CRIM1: variants seen among roughly 807,000 people sequenced by gnomAD.
CRIM1 encodes the protein cysteine-rich motor neuron 1 protein.
CRIM1 carries 32 observed loss-of-function variants against 116.4 expected under a neutral mutation model. That is an observed-to-expected ratio of 0.27 (90% CI 0.21 to 0.37). CRIM1 has a LOEUF of 0.37. Among genes scored for constraint, CRIM1 ranks in the 10% least tolerant of loss-of-function variants. The pLI is 1.00. For missense variants in CRIM1, 1,331 were observed against 1,354.8 expected (o/e 0.98, Z 0.28); for synonymous variants, 590 against 509.2 (o/e 1.16, Z -2.13).
At chr2:36,495,773 A>G (rs1406264576) in intron 7 of CRIM1, among the ~76,000 whole-genome samples, 1 of 152,128 alleles carries the variant, frequency 6.6e-6, no homozygotes, top group East Asian at 1.9e-4. Flanking sequence ...GACATTAGTA[A>G]TAGGATCAGT....
intron 7 of CRIM1, among the ~76,000 whole-genome samples, chr2:36,485,549 A>T (rs1436916935): frequency 6.6e-6 from 1 of 152,204 alleles, no homozygotes; most frequent in Non-Finnish European, 1.5e-5. Context: ...AAAAGTCTGT[A>T]CCAGGCACAT....
chr2:36,380,052 T>C (rs1191071346), intron 1 of CRIM1, among the ~76,000 whole-genome samples: 1 of 152,160 alleles, frequency 6.6e-6, no homozygotes, highest in Non-Finnish European at 1.5e-5. Flanking sequence ...ATGACTCTGA[T>C]GCATGAATGG....
chr2:36,512,252 G>A (rs150637747), intron 9 of CRIM1, 21 bp from the exon 10 acceptor site: 2 of 1,608,260 alleles, frequency 1.2e-6, no homozygotes, highest in Non-Finnish European at 1.7e-6. Flanking sequence ...TCTGACCTCT[G>A]ACAAAATTTT....
chr2:36,488,678 T>C (rs1402834726), intron 7 of CRIM1, among the ~76,000 whole-genome samples: 1 of 152,222 alleles, frequency 6.6e-6, no homozygotes, highest in African/African-American at 2.4e-5. Context: ...GAGTTTAACT[T>C]TCGCATCTGA....
intron 2 of CRIM1, among the ~76,000 whole-genome samples, chr2:36,426,864 A>G (rs904821504): frequency 6.6e-6 from 1 of 152,214 alleles, no homozygotes; most frequent in Non-Finnish European, 1.5e-5. Flanking sequence ...CCAAATTTTA[A>G]TAAATGACTT....
At chr2:36,477,095 A>C in intron 6 of CRIM1, 24 bp downstream of exon 6, 1 of 1,571,912 alleles carries the variant, frequency 6.4e-7, no homozygotes, top group Non-Finnish European at 8.7e-7. Context: ...CTAATTACAG[A>C]TTAACAGGAG....
At chr2:36,395,724 A>T (rs1014997389) in intron 1 of CRIM1, among the ~76,000 whole-genome samples, 3 of 152,126 alleles carry the variant, frequency 2.0e-5, no homozygotes, top group African/African-American at 7.2e-5. Flanking sequence ...CCTGTCACTA[A>T]GCTGCACCAC....
chr2:36,531,397 GT>G (rs988777112), intron 13 of CRIM1, among the ~76,000 whole-genome samples: 2 of 150,500 alleles, frequency 1.3e-5, no homozygotes, highest in African/African-American at 4.9e-5. Flanking sequence ...TTGGTTTTTG[GT>G]TTTTTGTTTT....
At chr2:36,419,177 A>C (rs1673865312) in intron 2 of CRIM1, among the ~76,000 whole-genome samples, 1 of 152,216 alleles carries the variant, frequency 6.6e-6, no homozygotes, top group Non-Finnish European at 1.5e-5. Flanking sequence ...CTAAGGTTTA[A>C]AATTAAGGTT....
At chr2:36,510,502 T>C (rs1664587892) in intron 9 of CRIM1, among the ~76,000 whole-genome samples, 1 of 152,148 alleles carries the variant, frequency 6.6e-6, no homozygotes, top group Non-Finnish European at 1.5e-5. Flanking sequence ...CTATTTGTGA[T>C]CATTTATTTA....
At chr2:36,389,699 C>T (rs912852026) in intron 1 of CRIM1, among the ~76,000 whole-genome samples, 7 of 152,142 alleles carry the variant, frequency 4.6e-5, no homozygotes, top group Non-Finnish European at 1.0e-4. Flanking sequence ...TGCCTTCCAC[C>T]TTCAGGCTGG....
chr2:36,430,182 A>G (rs193184630), intron 2 of CRIM1, among the ~76,000 whole-genome samples: 2 of 152,178 alleles, frequency 1.3e-5, no homozygotes, highest in Non-Finnish European at 2.9e-5. Context: ...ACTGACTGTG[A>G]TGAACAGGGA....
chr2:36,417,063 C>G (rs1673674707), intron 2 of CRIM1, among the ~76,000 whole-genome samples: 1 of 152,142 alleles, frequency 6.6e-6, no homozygotes, highest in African/African-American at 2.4e-5. Flanking sequence ...CCCAGAATCC[C>G]GCCACTCCCA....
At chr2:36,393,764 C>G (rs759034841) in intron 1 of CRIM1, among the ~76,000 whole-genome samples, 2 of 152,078 alleles carry the variant, frequency 1.3e-5, no homozygotes, top group Non-Finnish European at 2.9e-5. Context: ...ACGACACTCC[C>G]GAGTAAAGCA....
At chr2:36,395,829 C>A (rs540329250) in intron 1 of CRIM1, among the ~76,000 whole-genome samples, 78 of 152,230 alleles carry the variant, frequency 5.1e-4, no homozygotes, top group Middle Eastern at 3.4e-3. Flanking sequence ...CATTGTAACT[C>A]TTTTGGTGGT....
intron 5 of CRIM1, among the ~76,000 whole-genome samples, chr2:36,467,357 T>G (rs1395847536): frequency 6.6e-6 from 1 of 152,226 alleles, no homozygotes; most frequent in Non-Finnish European, 1.5e-5. Flanking sequence ...GCATTTTTCT[T>G]CTTTTGATAT....
chr2:36,383,266 A>C (rs1670923956), intron 1 of CRIM1, among the ~76,000 whole-genome samples: 2 of 152,202 alleles, frequency 1.3e-5, no homozygotes, highest in Non-Finnish European at 2.9e-5. Context: ...CATGTGTTCT[A>C]ATTTGAAATG....
At chr2:36,460,510 A>G (rs1677495653) in intron 4 of CRIM1, among the ~76,000 whole-genome samples, 1 of 152,188 alleles carries the variant, frequency 6.6e-6, no homozygotes, top group South Asian at 2.1e-4. Flanking sequence ...TGTGTACTTT[A>G]AAAGGGTGAA....
At chr2:36,388,942 A>G (rs1671373725) in intron 1 of CRIM1, among the ~76,000 whole-genome samples, 1 of 152,242 alleles carries the variant, frequency 6.6e-6, no homozygotes. Context: ...CTTGGACATA[A>G]TACAAATCAG....
Sources: allele counts gnomAD v4.1 joint callset (sites outside exome capture counted in the v4.1 genomes callset), GRCh38; gene constraint gnomAD v4.1.1; transcripts MANE v1.5; gene names NCBI Gene and HGNC (gene_info 2026-07-23, HGNC 2026-07-21).